Variants in DIDO1 observed in about 807,000 individuals in gnomAD.
DIDO1 encodes death-inducer obliterator 1.
A neutral mutation model predicts 99.4 loss-of-function variants in DIDO1; 16 were observed. The observed-to-expected ratio is 0.16, with a 90% CI of 0.11 to 0.24. The LOEUF is 0.24. Among genes scored for constraint, DIDO1 ranks in the 10% least tolerant of loss-of-function variants. The probability of loss-of-function intolerance (pLI) is 1.00; values close to 1 mark genes in which losing one functional copy is unlikely to be tolerated. For synonymous variants in DIDO1, 1,366 were observed against 1,239.1 expected (o/e 1.10, Z -2.15); for missense variants, 2,996 against 3,014.0 (o/e 0.99, Z 0.14).
At chr20:62,895,203 C>T (rs772325591) in intron 8 of DIDO1, 38 bp from the exon 9 acceptor site, 30 of 1,546,446 alleles carry the variant, frequency 1.9e-5, no homozygotes, top group Non-Finnish European at 2.4e-5. Context: ...AAATAATATT[C>T]CTATATCTGT....
In DIDO1 at chr20:62,896,197, C is replaced by T. The variant is rs758917894; in HGVS notation, c.2214+36G>A. On this transcript the variant is annotated intron_variant, in intron 8 of 15. Coordinates refer to ENST00000395343, the MANE Select transcript of DIDO1 (RefSeq NM_001193369.2). This position sits in a 1 kb window ranked among gnomAD's most constrained non-coding sequence, Gnocchi z 4.4. ...TCCCTTTAGCACCCAGCGAACAGAA[C>T]AGGAATACTCCAATGCACCGACACC... The T allele has an allele frequency of 5.0e-6, 8 of 1,598,668 alleles. No individual in the cohort carries two copies. The African/African-American group carries it at 9.5e-5, about 19-fold the overall frequency.
At chr20:62,930,165 G>T (rs988924859), upstream of DIDO1, among the ~76,000 whole-genome samples, 1 of 151,598 alleles carries the variant, frequency 6.6e-6, no homozygotes, top group African/African-American at 2.4e-5. Flanking sequence ...GCTTGAACCC[G>T]CTGCACTCCA....
chr20:62,891,146 G>C lies in DIDO1; in HGVS notation c.3355C>G (p.Leu1119Val). The C allele has an allele frequency of 6.2e-7, 1 of 1,614,048 alleles. No homozygotes were observed. The highest frequency in any genetic ancestry group is 8.5e-7 in the Non-Finnish European group (1 of 1,180,038). Residue 1119 changes from leucine (L) to valine (V), a missense_variant, in exon 15 of 16, where the codon CTG becomes GTG. Transcript: ENST00000395343. The part of the protein sequence containing the change: ...LKSSVSKELC[L>V]IRFHPATEEE... ...TCTGTGGCGGGGTGGAAGCGGATCA[G>C]ACAGAGCTCCTGCAATGGAAGAGTG...
intron 1 of DIDO1, 59 bp downstream of exon 1, chr20:62,926,380 G>A (rs915195564): frequency 3.3e-5 from 5 of 152,028 alleles, no homozygotes; most frequent in African/African-American, 1.2e-4. Context: ...GCTCCCGAGG[G>A]CGGCCCAAGC....
chr20:62,897,330 C>T (rs998322540), intron 6 of DIDO1, among the ~76,000 whole-genome samples: 3 of 152,196 alleles, frequency 2.0e-5, no homozygotes, highest in African/African-American at 7.2e-5. Context: ...CCTATCATCA[C>T]TTTTTAAAAG....
At chr20:62,926,256 TC>T (rs2065252313) in intron 1 of DIDO1, among the ~76,000 whole-genome samples, 182 bp downstream of exon 1, 1 of 149,652 alleles carries the variant, frequency 6.7e-6, no homozygotes, top group African/African-American at 2.4e-5. Flanking sequence ...CCCCGCCCGC[TC>T]GCCCGCCCGC....
Position 62,881,318 on chromosome 20 carries a change from G to C in DIDO1, c.4638C>G (p.Ala1546=). 1 of 1,604,670 alleles carries C rather than the reference G, an allele frequency of 6.2e-7. No individual in the cohort carries two copies. Among genetic ancestry groups the C allele is most frequent in the Non-Finnish European group, 8.5e-7 (1 of 1,179,932 alleles). Residue 1546 remains alanine (A), a synonymous_variant, in exon 16 of 16, where the codon GCC becomes GCG. Coordinates refer to ENST00000395343, the MANE Select transcript of DIDO1 (RefSeq NM_001193369.2). The surrounding 1 kb of genome is among the most constrained non-coding windows in gnomAD (Gnocchi z 8.3). The part of the protein sequence containing the change: ...QQEQQSADKP[A]SLPPASQASN... ...ACGCCTGGCTGGCGGGGGGCAGTGA[G>C]GCGGGCTTGTCTGCAGACTGCTGCT...
chr20:62,889,760 A>T, intron 15 of DIDO1: 1 of 985,462 alleles, frequency 1.0e-6, no homozygotes, highest in Non-Finnish European at 1.2e-6. Context: ...TATCCCAAGT[A>T]GGATTTGAGG....
chr20:62,904,243 C>T (rs962071614), intron 6 of DIDO1, among the ~76,000 whole-genome samples: 2 of 152,166 alleles, frequency 1.3e-5, no homozygotes, highest in African/African-American at 4.8e-5. Context: ...GTGGGTGACA[C>T]TTTAAGCCCA....
intron 1 of DIDO1, among the ~76,000 whole-genome samples, 174 bp downstream of exon 1, chr20:62,926,265 C>A (rs2065252937): frequency 6.7e-6 from 1 of 150,342 alleles, no homozygotes; most frequent in Non-Finnish European, 1.5e-5. Flanking sequence ...CTCGCCCGCC[C>A]GCCCGCCCGC....
In DIDO1 at chr20:62,877,859, T is replaced by C. The variant is rs1220905372; in HGVS notation, c.*1374A>G. On this transcript the variant is annotated 3_prime_UTR_variant, in exon 16 of 16. Transcript: ENST00000395343. ...ACAATGTACAGGAATCTCTATCAAG[T>C]AAACTAAAGAAACACACTTGATTTT... 1.3e-5 allele frequency: 2 copies of C among 152,236 alleles called. No individual in the cohort carries two copies. The highest frequency in any genetic ancestry group is 6.5e-5 in the Admixed American group (1 of 15,286). 9.4% of individuals were successfully genotyped at this position (152,236 alleles called of 1,614,324 possible).
intron 6 of DIDO1, chr20:62,905,156 A>T (rs1371556681): frequency 1.9e-6 from 2 of 1,042,028 alleles, no homozygotes; most frequent in East Asian, 1.5e-4. Context: ...GAGTCTAAAC[A>T]TTCAAGAGAC....
At position 62,892,011 on chromosome 20, in the gene DIDO1, G is replaced by A. The variant is rs551903017; in HGVS notation, c.3321C>T (p.Gly1107=). ...IAPKTVWDYV[G]KLKSSVSKEL... is the part of the protein sequence containing the mutation. ...CCTTAGACACAGAAGACTTGAGTTT[G>A]CCAACATAATCCCAAACTGTCTTCG... The change falls in exon 14 of 16, where the codon GGC becomes GGT. Residue 1107 remains glycine (G), a synonymous_variant. Coordinates refer to ENST00000395343, the MANE Select transcript of DIDO1 (RefSeq NM_001193369.2). 3.1e-6 allele frequency: 5 copies of A among 1,612,728 alleles called. No individual in the cohort carries two copies. Among genetic ancestry groups the A allele is most frequent in the South Asian group, 1.1e-5 (1 of 90,700 alleles).
chr20:62,907,159 T>C lies in DIDO1; in HGVS notation c.1362A>G (p.Lys454=), dbSNP rs1240547637. Reference sequence around the variant, plus strand: ...CTGGTCCACTCACCTGAGCACCGCATTTCGGAAGACTGGGCTTCTCTGGCT... The same window carrying C: ...CTGGTCCACTCACCTGAGCACCGCACTTCGGAAGACTGGGCTTCTCTGGCT... The part of the protein sequence containing the change: ...KMKPEKPSLP[K]CGAQAGIKIS... Residue 454 remains lysine (K), a synonymous_variant, in exon 5 of 16, where the codon AAA becomes AAG. Coordinates refer to ENST00000395343, the MANE Select transcript of DIDO1 (RefSeq NM_001193369.2). The C allele has an allele frequency of 6.8e-6, 11 of 1,614,266 alleles. No individual in the cohort carries two copies. The highest frequency in any genetic ancestry group is 1.3e-5 in the African/African-American group (1 of 75,078).
In DIDO1 at chr20:62,878,429, G is replaced by C. The variant is rs1034543301; in HGVS notation, c.*804C>G. On this transcript the variant is annotated 3_prime_UTR_variant, in exon 16 of 16. Transcript: ENST00000395343. ...TTTGGGGCCGAGCGTACTTTTCCCG[G>C]GATACAGAAGAACTGCTCAGAAGGC... 6.6e-6 allele frequency: 1 copy of C among 152,080 alleles called. No homozygotes were observed. Among genetic ancestry groups the C allele is most frequent in the African/African-American group, 2.4e-5 (1 of 41,390 alleles). The allele number at this position is 152,080 out of a possible 1,614,324, so 9.4% of individuals were successfully genotyped here.
At position 62,931,798 on chromosome 20, in the gene DIDO1, C is replaced by A. The variant is rs528057520; in HGVS notation, c.-200+5998G>T. Among the ~76,000 whole-genome samples the A allele has an allele frequency of 3.3e-5, 5 of 151,434 alleles. No homozygotes were observed. In the East Asian group the frequency reaches 7.7e-4, roughly 23 times the overall value. On this transcript the variant is annotated intron_variant, in intron 1 of 15. Coordinates refer to the DIDO1 transcript ENST00000266070. ...GACCTTAGGGGTAAGGATAGGGCTA[C>A]AATTGTGCAGGCTACAATTAAAGAT...
rs1196822307 is a variant in DIDO1, at chr20:62,894,264, A to C, written c.2573-70T>G. 6.3e-7 allele frequency: 1 copy of C among 1,582,456 alleles called. No individual in the cohort carries two copies. The highest frequency in any genetic ancestry group is 2.2e-5 in the East Asian group (1 of 44,472). On this transcript the variant is annotated intron_variant, in intron 11 of 15. Transcript: ENST00000395343. The surrounding 1 kb of genome is among the most constrained non-coding windows in gnomAD (Gnocchi z 4.4). ...ACTGGTGTTTCTCACACAAAGCCGA[A>C]AGCAATACTCTAAAGGCAGGGCAGG...
At position 62,911,387 on chromosome 20, in the gene DIDO1, G is replaced by T; in HGVS notation, c.226C>A (p.Gln76Lys). 6.2e-7 allele frequency: 1 copy of T among 1,611,972 alleles called. No individual in the cohort carries two copies. Among genetic ancestry groups the T allele is most frequent in the Non-Finnish European group, 8.5e-7 (1 of 1,179,564 alleles). The change falls in exon 3 of 16, where the codon CAG (glutamine) becomes AAG (lysine). Residue 76 changes from glutamine (Q) to lysine (K), a missense_variant. By Grantham distance (53) the Gln-to-Lys change is moderately conservative (BLOSUM62 1). This residue lies in a region of DIDO1 where 388 missense variants were observed against 376.6 expected (regional missense o/e 1.03). Coordinates refer to ENST00000395343, the MANE Select transcript of DIDO1 (RefSeq NM_001193369.2). The surrounding 1 kb of genome is among the most constrained non-coding windows in gnomAD (Gnocchi z 7.0). ...RQPKRTERVE[Q>K]FLTIARRRGR... Reference sequence around the variant, plus strand: ...CGGCGCCGCGCAATGGTCAGGAACTGCTCCACGCGCTCAGTGCGCTTGGGC... The same window carrying T: ...CGGCGCCGCGCAATGGTCAGGAACTTCTCCACGCGCTCAGTGCGCTTGGGC...
chr20:62,924,492 C>T (rs1200412326), intron 1 of DIDO1, among the ~76,000 whole-genome samples: 1 of 152,186 alleles, frequency 6.6e-6, no homozygotes, highest in African/African-American at 2.4e-5. Context: ...TGAAGAGAAG[C>T]ACCCTACTGG....
Sources: gnomAD v4.1 joint callset for allele counts (sites outside exome capture counted in the v4.1 genomes callset) on GRCh38, gnomAD v4.1.1 for gene constraint, gnomAD v4.1.1 regional missense constraint, Gnocchi (gnomAD v3.1) non-coding constraint, MANE v1.5 for transcripts, NCBI Gene and HGNC (gene_info 2026-07-23, HGNC 2026-07-21) for gene names.